ILKAP: variants seen among roughly 807,000 people sequenced by gnomAD.
The protein encoded by ILKAP is ILK associated serine/threonine phosphatase.
A neutral mutation model predicts 49.1 loss-of-function variants in ILKAP; 11 were observed. The observed-to-expected ratio is 0.22, with a 90% confidence interval of 0.14 to 0.37. The LOEUF (loss-of-function observed/expected upper bound fraction) is 0.37. Among genes scored for constraint, ILKAP ranks in the 10% least tolerant of loss-of-function variants. The pLI is 1.00. For missense variants in ILKAP, 363 were observed against 510.8 expected (o/e 0.71, Z 2.79); for synonymous variants, 186 against 192.8 (o/e 0.96, Z 0.29).
chr2:238,187,932 C>G (rs1693972181), intron 5 of ILKAP, among the ~76,000 whole-genome samples, 199 bp downstream of exon 5: 1 of 152,176 alleles, frequency 6.6e-6, no homozygotes, highest in South Asian at 2.1e-4. Context: ...CTCCCTCCCG[C>G]AGTTGTGACA....
intron 3 of ILKAP, among the ~76,000 whole-genome samples, chr2:238,192,593 G>A (rs536100668): frequency 5.1e-4 from 77 of 151,858 alleles, no homozygotes; most frequent in Admixed American, 2.0e-3. Context: ...CCAGCTACTT[G>A]GGAGGCTGAG....
intron 6 of ILKAP, 31 bp downstream of exon 6, chr2:238,185,150 G>C (rs369856353): frequency 1.5e-6 from 2 of 1,375,444 alleles, no homozygotes; most frequent in African/African-American, 2.9e-5. Context: ...TAACCAATTT[G>C]AGTATCAACT....
At chr2:238,180,176 AAAAG>A (rs915792397) in intron 9 of ILKAP, among the ~76,000 whole-genome samples, 11 of 140,272 alleles carry the variant, frequency 7.8e-5, no homozygotes, top group East Asian at 2.4e-4. Context: ...TCAAAAAAAA[AAAAG>A]AAAGAAAGAA....
At chr2:238,192,823 G>A (rs56378301) in intron 3 of ILKAP, among the ~76,000 whole-genome samples, 42,032 of 151,922 alleles carry the variant, frequency 0.28, 6,212 homozygotes, top group South Asian at 0.37. Context: ...GACCAGCCTG[G>A]CCAATATGGG....
At position 238,203,423 on chromosome 2, in the gene ILKAP, G is replaced by A. The variant is rs1003024872; in HGVS notation, c.55+76C>T. On this transcript the variant is annotated intron_variant, in intron 1 of 11. Coordinates refer to ENST00000254654, the MANE Select transcript of ILKAP (RefSeq NM_030768.3). Reference sequence around the variant, plus strand: ...GCCTCCCAGCGCGGGCGCCGCCTCAGCCGCCCCGGGCCTCAGGCCGCCCCC... The same window carrying A: ...GCCTCCCAGCGCGGGCGCCGCCTCAACCGCCCCGGGCCTCAGGCCGCCCCC... 1.9e-4 allele frequency: 144 copies of A among 771,630 alleles called. No individual in the cohort carries two copies. The African/African-American group carries it at 2.4e-3, about 13-fold the overall frequency. 47.8% of individuals were successfully genotyped at this position (771,630 alleles called of 1,614,324 possible).
At chr2:238,176,221 C>A (rs1693450219) in intron 9 of ILKAP, among the ~76,000 whole-genome samples, 2 of 145,906 alleles carry the variant, frequency 1.4e-5, no homozygotes, top group Admixed American at 7.1e-5. Context: ...GCAACCTCTG[C>A]CGCCTGGGTT....
intron 6 of ILKAP, among the ~76,000 whole-genome samples, chr2:238,184,736 T>TC (rs1459224000): frequency 6.7e-6 from 1 of 149,374 alleles, no homozygotes; most frequent in Non-Finnish European, 1.5e-5. Flanking sequence ...AGGTTTGTTT[T>TC]TTTTTTTTAT....
At chr2:238,196,506 T>C (rs2106340851) in intron 1 of ILKAP, among the ~76,000 whole-genome samples, 1 of 152,282 alleles carries the variant, frequency 6.6e-6, no homozygotes, top group South Asian at 2.1e-4. Context: ...GGATTACAGG[T>C]ATGAGCTATT....
chr2:238,177,802 G>A (rs1693526066), intron 9 of ILKAP, among the ~76,000 whole-genome samples: 1 of 152,024 alleles, frequency 6.6e-6, no homozygotes, highest in African/African-American at 2.4e-5. Flanking sequence ...ATATCTGTTC[G>A]TGTCCCTGCT....
chr2:238,177,657 T>C (rs973120032), intron 9 of ILKAP, among the ~76,000 whole-genome samples: 20 of 152,350 alleles, frequency 1.3e-4, no homozygotes, highest in African/African-American at 4.8e-4. Flanking sequence ...AGAATTTCCT[T>C]CCTTTTTGAG....
intron 9 of ILKAP, 79 bp downstream of exon 9, chr2:238,181,986 T>TACGTCCC: frequency 6.7e-7 from 1 of 1,502,850 alleles, no homozygotes; most frequent in Non-Finnish European, 9.1e-7. Context: ...CAGGGGAAGT[T>TACGTCCC]CTACTCCTTG....
intron 9 of ILKAP, among the ~76,000 whole-genome samples, chr2:238,179,658 A>T (rs1043201835): frequency 6.6e-6 from 1 of 152,182 alleles, no homozygotes; most frequent in African/African-American, 2.4e-5. Context: ...GGGATTTGGC[A>T]ACTTAATTAA....
intron 10 of ILKAP, among the ~76,000 whole-genome samples, chr2:238,172,388 T>G (rs1278325521): frequency 6.6e-6 from 1 of 152,188 alleles, no homozygotes. Context: ...ACTCGGCCGC[T>G]ACTTGCCGAG....
At chr2:238,187,316 C>T (rs2106334995) in intron 5 of ILKAP, among the ~76,000 whole-genome samples, 1 of 152,354 alleles carries the variant, frequency 6.6e-6, no homozygotes, top group South Asian at 2.1e-4. Context: ...ATCACCTCAT[C>T]TCCATGAGCA....
At chr2:238,177,579 T>C (rs1021780947) in intron 9 of ILKAP, among the ~76,000 whole-genome samples, 2 of 152,228 alleles carry the variant, frequency 1.3e-5, no homozygotes, top group African/African-American at 4.8e-5. Flanking sequence ...CTAGTGTTTG[T>C]CTTTTTGCAT....
chr2:238,174,967 T>C (rs528261261), intron 9 of ILKAP, among the ~76,000 whole-genome samples: 1 of 152,260 alleles, frequency 6.6e-6, no homozygotes, highest in African/African-American at 2.4e-5. Context: ...AGATTAAGAT[T>C]ACAATCACCA....
At chr2:238,192,273 A>T (rs1574802544) in intron 3 of ILKAP, among the ~76,000 whole-genome samples, 1 of 152,292 alleles carries the variant, frequency 6.6e-6, no homozygotes, top group East Asian at 1.9e-4. Flanking sequence ...GACACCTTAC[A>T]GGTTTGTTAT....
intron 6 of ILKAP, 108 bp from the exon 7 acceptor site, chr2:238,184,221 C>A: frequency 1.4e-6 from 1 of 695,430 alleles, no homozygotes; most frequent in East Asian, 2.7e-5. Context: ...GACGGAGTCT[C>A]GTTCTGTCAC....
In ILKAP at chr2:238,185,284, A is replaced by G. The variant is rs1379336727; in HGVS notation, c.429T>C (p.Thr143=). The change falls in exon 6 of 12, where the codon ACT becomes ACC. Residue 143 remains threonine, a synonymous_variant. Transcript: ENST00000254654. The stretch of plus-strand genomic sequence containing the variant: ...CAAAAACAGCAAAATATGAAACCCG[A>G]GTACTGAAAGAACGAATTGAGAGTT... ...EECRPPSSLI[T]RVSYFAVFDG... 3.8e-6 allele frequency: 6 copies of G among 1,595,124 alleles called. No homozygotes were observed. The South Asian group carries it at 6.6e-5, about 18-fold the overall frequency.
Sources: allele counts gnomAD v4.1 joint callset (sites outside exome capture counted in the v4.1 genomes callset), GRCh38; gene constraint gnomAD v4.1.1; transcripts MANE v1.5; gene names NCBI Gene and HGNC (gene_info 2026-07-23, HGNC 2026-07-21).